STMN1: variants seen among roughly 807,000 people sequenced by gnomAD.
The protein encoded by STMN1 is stathmin.
A neutral mutation model predicts 19.7 loss-of-function variants in STMN1; 3 were observed. The observed-to-expected ratio is 0.15, with a 90% confidence interval of 0.07 to 0.39. The LOEUF (loss-of-function observed/expected upper bound fraction) is 0.39, where lower values mean the gene tolerates loss of function less well. Ranked by LOEUF, STMN1 falls within the 10% of genes least tolerant of loss-of-function variation. The probability of loss-of-function intolerance (pLI) is 1.00; values close to 1 mark genes in which losing one functional copy is unlikely to be tolerated. For missense variants in STMN1, 99 were observed against 176.0 expected (o/e 0.56, Z 2.48); for synonymous variants, 59 against 58.9 (o/e 1.00, Z -0.01).
At chr1:25,890,725 G>A (rs574067176) in intron 4 of STMN1, among the ~76,000 whole-genome samples, 7 of 152,228 alleles carry the variant, frequency 4.6e-5, no homozygotes, top group Middle Eastern at 3.4e-3. Context: ...TCCGTAGGTC[G>A]GCCAGGGTCT....
At chr1:25,898,462 T>A (rs1313656875), downstream of STMN1, among the ~76,000 whole-genome samples, 1 of 152,180 alleles carries the variant, frequency 6.6e-6, no homozygotes, top group Admixed American at 6.5e-5. Flanking sequence ...CAGCTCTCCT[T>A]CCCCTCACAT....
At chr1:25,892,519 A>G in intron 4 of STMN1, 1 of 984,764 alleles carries the variant, frequency 1.0e-6, no homozygotes, top group Non-Finnish European at 1.2e-6. Context: ...CTTACCTCAG[A>G]TTCCTTCTTT....
rs547097470 is a variant in STMN1 at position 25,900,656 on chromosome 1, T to C, written c.*360A>G. 2.6e-3 allele frequency: 2,612 copies of C among 1,011,322 alleles called. 4 individuals carry two copies. The highest frequency in any genetic ancestry group is 3.0e-3 in the Non-Finnish European group (2,523 of 847,038). The allele number at this position is 1,011,322 out of a possible 1,614,324, so 62.6% of individuals were successfully genotyped here. A position where few individuals can be genotyped will look rare whatever the true frequency, so the allele number is the denominator to read the frequency against. ...ATTGGGATTGAAAAGTGAACAGATA[T>C]TCAGCATCTAACAGTTCAAAAGAAG... On this transcript the variant is annotated 3_prime_UTR_variant, in exon 5 of 5. Coordinates refer to ENST00000455785, the MANE Select transcript of STMN1 (RefSeq NM_005563.4).
intron 4 of STMN1, 184 bp downstream of exon 4, chr1:25,901,307 C>T: frequency 8.9e-7 from 1 of 1,120,508 alleles, no homozygotes; most frequent in Non-Finnish European, 1.2e-6. Flanking sequence ...CTTCCAAGGA[C>T]TGTGCAATTA....
In STMN1 at chr1:25,900,751, C is replaced by T. The variant is rs371540958; in HGVS notation, c.*265G>A. 3 of 1,277,990 alleles carry T rather than the reference C, an allele frequency of 2.3e-6. No individual in the cohort carries two copies. The East Asian group carries it at 1.0e-4, about 43-fold the overall frequency. 79.2% of individuals were successfully genotyped at this position (1,277,990 alleles called of 1,614,324 possible). On this transcript the variant is annotated 3_prime_UTR_variant, in exon 5 of 5. Transcript: ENST00000455785. ...CAGTACTAGCCATTAACCCAGTACA[C>T]CAAGTGTACTGAAGTAGAAAAGATG...
chr1:25,887,985 C>CTTGTTG (rs909993209), intron 4 of STMN1, among the ~76,000 whole-genome samples: 3 of 151,844 alleles, frequency 2.0e-5, no homozygotes, highest in African/African-American at 4.8e-5. Flanking sequence ...GTGCCCGGCC[C>CTTGTTG]TTGTTGTTGT....
chr1:25,884,625 G>A (rs1461503429), downstream of STMN1: 5 of 151,002 alleles, frequency 3.3e-5, no homozygotes, highest in East Asian at 9.8e-4. Context: ...GAACTCAGAA[G>A]GTGGGGCTTG....
intron 4 of STMN1, among the ~76,000 whole-genome samples, chr1:25,887,989 T>TTGC (rs1270850039): frequency 2.6e-5 from 4 of 151,768 alleles, no homozygotes; most frequent in Admixed American, 6.6e-5. Context: ...CCGGCCCTTG[T>TTGC]TGTTGTTGTT....
chr1:25,894,937 G>A (rs2048805579), intron 4 of STMN1, among the ~76,000 whole-genome samples: 1 of 151,838 alleles, frequency 6.6e-6, no homozygotes, highest in South Asian at 2.1e-4. Flanking sequence ...CTCATATTTT[G>A]AAAAAGTACC....
In STMN1 at chr1:25,901,654, A is replaced by G; in HGVS notation, c.215T>C (p.Leu72Pro). ...TTTCTCGTGCTCTCGTTTCTCAGCC[A>G]GCTGCTTCAAGACCTCAGCTTCATG... ...KSHEAEVLKQ[L>P]AEKREHEKEV... The change falls in exon 4 of 5, where the codon CTG becomes CCG. Residue 72 changes from leucine (L) to proline (P), a missense_variant. Physicochemically the swap from Leu to Pro is moderately conservative, Grantham distance 98 (BLOSUM62 -3). Around this residue, in one of 3 missense-constraint regions of STMN1, gnomAD observed 8 missense variants for 38.7 expected, o/e 0.21. Transcript: ENST00000455785. The G allele has an allele frequency of 6.2e-7, 1 of 1,612,790 alleles. No homozygotes were observed. The highest frequency in any genetic ancestry group is 8.5e-7 in the Non-Finnish European group (1 of 1,179,638).
intron 1 of STMN1, chr1:25,905,065 T>C (rs757272195): frequency 2.4e-4 from 49 of 201,968 alleles, no homozygotes; most frequent in Non-Finnish European, 4.4e-4. Flanking sequence ...TGTAAGAAGA[T>C]ATTCCAGATT....
chr1:25,898,249 G>A (rs1052350793), downstream of STMN1, among the ~76,000 whole-genome samples: 2 of 152,222 alleles, frequency 1.3e-5, no homozygotes, highest in African/African-American at 4.8e-5. Context: ...CTTACTAAGT[G>A]TTTAACAATT....
chr1:25,900,038 G>A (rs892006663), downstream of STMN1: 52 of 959,528 alleles, frequency 5.4e-5, no homozygotes, highest in Non-Finnish European at 6.1e-5. Flanking sequence ...ACAAGATGAC[G>A]TATCTGCCAA....
chr1:25,898,744 G>T (rs1291705896), downstream of STMN1, among the ~76,000 whole-genome samples: 1 of 152,212 alleles, frequency 6.6e-6, no homozygotes, highest in African/African-American at 2.4e-5. Flanking sequence ...GCCTTATTAG[G>T]CCAATCTATT....
Position 25,906,145 on chromosome 1 carries a change from C to A in STMN1, c.-63+244G>T, listed in dbSNP as rs1252387766. The A allele has an allele frequency of 1.3e-5, 2 of 152,302 alleles. No individual in the cohort carries two copies. Among genetic ancestry groups the A allele is most frequent in the African/African-American group, 4.8e-5 (2 of 41,438 alleles). 9.4% of individuals were successfully genotyped at this position (152,302 alleles called of 1,614,324 possible). ...CCTCGACGGCACCCCGGAGCGGACG[C>A]CCGGTGATCGCCCAGCCCCCTGCCC... On this transcript the variant is annotated intron_variant, in intron 1 of 4. Transcript: ENST00000455785. The surrounding 1 kb of genome is among the most constrained non-coding windows in gnomAD (Gnocchi z 4.5).
rs2048866188 is a variant in STMN1, at chr1:25,901,056, T to C, written c.410A>G (p.Lys137Arg). 3 of 1,613,694 alleles carry C rather than the reference T, an allele frequency of 1.9e-6. No homozygotes were observed. Among genetic ancestry groups the C allele is most frequent in the Admixed American group, 1.7e-5 (1 of 59,978 alleles). The change falls in exon 5 of 5, where the codon AAA becomes AGA. Residue 137 changes from lysine to arginine, a missense_variant. Physicochemically the swap from Lys to Arg is conservative, Grantham distance 26. This residue lies in a region of STMN1 where 54 missense variants were observed against 79.4 expected (regional missense o/e 0.68). Transcript: ENST00000455785. Reference protein sequence around the residue: ...DKHIEEVRKNKESKDPADETE... With the variant: ...DKHIEEVRKNRESKDPADETE... Reference sequence around the variant, plus strand: ...CTCGTCAGCAGGGTCTTTGGATTCTTTGTTCTTCCGCACTTCTTCAATGTG... The same window carrying C: ...CTCGTCAGCAGGGTCTTTGGATTCTCTGTTCTTCCGCACTTCTTCAATGTG...
chr1:25,886,579 C>T (rs1483750507), intron 4 of STMN1, among the ~76,000 whole-genome samples: 2 of 94,392 alleles, frequency 2.1e-5, no homozygotes, highest in African/African-American at 8.6e-5. Flanking sequence ...ACCCCCACCA[C>T]TTTTTTTTTT....
At chr1:25,890,029 A>T (rs1441279990) in intron 4 of STMN1, among the ~76,000 whole-genome samples, 9 of 152,136 alleles carry the variant, frequency 5.9e-5, no homozygotes. Context: ...TTCTCCCCCC[A>T]GGATGTAAAC....
At chr1:25,891,169 C>T (rs879374331) in intron 4 of STMN1, among the ~76,000 whole-genome samples, 3 of 151,896 alleles carry the variant, frequency 2.0e-5, no homozygotes, top group Non-Finnish European at 2.9e-5. Context: ...CCCATCTCTA[C>T]TAAAAATACA....
Sources: gnomAD v4.1 joint callset for allele counts (sites outside exome capture counted in the v4.1 genomes callset) on GRCh38, gnomAD v4.1.1 for gene constraint, gnomAD v4.1.1 regional missense constraint, Gnocchi (gnomAD v3.1) non-coding constraint, MANE v1.5 for transcripts, NCBI Gene and HGNC (gene_info 2026-07-23, HGNC 2026-07-21) for gene names.